Variants in PALLD observed in about 807,000 individuals in gnomAD.
PALLD encodes the protein palladin, cytoskeletal associated protein.
PALLD carries 61 observed loss-of-function variants against 123.5 expected under a neutral mutation model. That is an observed-to-expected ratio of 0.49 (90% CI 0.40 to 0.61). The LOEUF is 0.61. Ranked by LOEUF, PALLD falls within the 20% of genes least tolerant of loss-of-function variation. The probability of loss-of-function intolerance (pLI) is 0.00; values close to 1 mark genes in which losing one functional copy is unlikely to be tolerated. For synonymous variants in PALLD, 465 were observed against 496.4 expected (o/e 0.94, Z 0.84); for missense variants, 1,273 against 1,377.0 (o/e 0.92, Z 1.20).
intron 10 of PALLD, among the ~76,000 whole-genome samples, chr4:168,746,603 A>G (rs1730356891): frequency 6.6e-6 from 1 of 152,088 alleles, no homozygotes; most frequent in South Asian, 2.1e-4. Flanking sequence ...CATTCTGGTT[A>G]ACTTACGAGT....
chr4:168,595,537 A>C (rs1427334672), intron 2 of PALLD, among the ~76,000 whole-genome samples: 1 of 152,166 alleles, frequency 6.6e-6, no homozygotes, highest in East Asian at 1.9e-4. Flanking sequence ...AAGTAAGTGT[A>C]TTGGCCTTTT....
intron 15 of PALLD, among the ~76,000 whole-genome samples, chr4:168,908,192 T>C (rs1247421109): frequency 1.3e-5 from 2 of 152,232 alleles, no homozygotes; most frequent in Admixed American, 1.3e-4. Context: ...CTTGGGGGCT[T>C]CAGTAACTGG....
chr4:168,641,151 T>C (rs765753172), intron 2 of PALLD, among the ~76,000 whole-genome samples: 50 of 149,936 alleles, frequency 3.3e-4, no homozygotes, highest in Non-Finnish European at 5.7e-4. Context: ...GAGCTTGTAA[T>C]GAGCCAAGAT....
chr4:168,829,010 G>T (rs1199661885), intron 10 of PALLD: 1 of 152,254 alleles, frequency 6.6e-6, no homozygotes, highest in Non-Finnish European at 1.5e-5. Flanking sequence ...AATCTTCAGT[G>T]TTCAGAGGAG....
intron 10 of PALLD, among the ~76,000 whole-genome samples, chr4:168,717,651 G>A (rs529260092): frequency 1.3e-5 from 2 of 152,194 alleles, no homozygotes; most frequent in South Asian, 4.2e-4. Context: ...ATGCCTGGCT[G>A]ATCTGCCTTT....
At chr4:168,556,602 A>G (rs1412965885) in intron 2 of PALLD, among the ~76,000 whole-genome samples, 1 of 152,108 alleles carries the variant, frequency 6.6e-6, no homozygotes, top group South Asian at 2.1e-4. Flanking sequence ...AGCTCAAACT[A>G]TCCATCCCCA....
chr4:168,590,043 T>A (rs1336742445), intron 2 of PALLD, among the ~76,000 whole-genome samples: 1 of 152,154 alleles, frequency 6.6e-6, no homozygotes, highest in African/African-American at 2.4e-5. Flanking sequence ...TGACTAGAAG[T>A]CTTAACCACT....
At chr4:168,860,922 C>A (rs1185398423) in intron 10 of PALLD, among the ~76,000 whole-genome samples, 1 of 152,140 alleles carries the variant, frequency 6.6e-6, no homozygotes, top group Non-Finnish European at 1.5e-5. Context: ...AAACACAATG[C>A]CCAAAGAAAT....
At chr4:168,519,108 A>G (rs2149447555) in intron 2 of PALLD, among the ~76,000 whole-genome samples, 1 of 152,358 alleles carries the variant, frequency 6.6e-6, no homozygotes, top group Non-Finnish European at 1.5e-5. Flanking sequence ...CATTTGCAAA[A>G]TAGTACTATT....
chr4:168,774,727 C>CAAAAAAAAAAAAAA (rs56364164), intron 10 of PALLD, among the ~76,000 whole-genome samples: 6 of 73,200 alleles, frequency 8.2e-5, no homozygotes, highest in African/African-American at 1.5e-4. Context: ...GACTGCATCT[C>CAAAAAAAAAAAAAA]AAAAAAAAAA....
At chr4:168,651,176 C>T (rs142249301) in intron 2 of PALLD, among the ~76,000 whole-genome samples, 2,634 of 152,198 alleles carry the variant, frequency 0.017, 58 homozygotes, top group South Asian at 0.073. Context: ...AGAATTATTG[C>T]GCAGGGATCA....
chr4:168,620,846 A>G (rs999103183), intron 2 of PALLD, among the ~76,000 whole-genome samples: 2 of 152,264 alleles, frequency 1.3e-5, no homozygotes, highest in Non-Finnish European at 2.9e-5. Flanking sequence ...TATGAGTAGT[A>G]AAAGCAACAA....
chr4:168,691,527 A>G (rs1782632022), intron 8 of PALLD, among the ~76,000 whole-genome samples: 1 of 152,216 alleles, frequency 6.6e-6, no homozygotes, highest in Admixed American at 6.5e-5. Flanking sequence ...TCAGACAAGA[A>G]GGTCAAGCTC....
Position 168,802,772 on chromosome 4 carries a change from T to C in PALLD, c.1965-88150T>C, listed in dbSNP as rs182240019. On this transcript the variant is annotated intron_variant, in intron 10 of 21. Transcript: ENST00000505667. ...ATGGCACCATGTCGGCTCACCGCAATCTCTGCCTCCTGGGTTCAAGCGATT... is the reference window on the plus strand; with the variant it reads ...ATGGCACCATGTCGGCTCACCGCAACCTCTGCCTCCTGGGTTCAAGCGATT... 2.2e-3 allele frequency among the ~76,000 whole-genome samples: 332 copies of C among 152,054 alleles called. 1 individual carries two copies. The highest frequency in any genetic ancestry group is 1.6e-3 in the Non-Finnish European group (108 of 67,990).
rs1009645224 is a variant in PALLD at position 168,927,290 on chromosome 4, T to C, written c.*1110T>C. 5 of 231,218 alleles carry C rather than the reference T, an allele frequency of 2.2e-5. No individual in the cohort carries two copies. The highest frequency in any genetic ancestry group is 1.1e-4 in the African/African-American group (5 of 45,188). The allele number at this position is 231,218 out of a possible 1,614,324, so 14.3% of individuals were successfully genotyped here. A position where few individuals can be genotyped will look rare whatever the true frequency, so the allele number is the denominator to read the frequency against. Reference sequence around the variant, plus strand: ...ATAAAAGTAGAAGGCACAGGAGAGGTAGCAAAGGCCAGGCTTTTCTTTGGT... The same window carrying C: ...ATAAAAGTAGAAGGCACAGGAGAGGCAGCAAAGGCCAGGCTTTTCTTTGGT... On this transcript the variant is annotated 3_prime_UTR_variant, in exon 22 of 22. Coordinates refer to ENST00000505667, the MANE Select transcript of PALLD (RefSeq NM_001166108.2).
At chr4:168,810,669 G>A (rs7656182) in intron 10 of PALLD, among the ~76,000 whole-genome samples, 78,485 of 147,502 alleles carry the variant, frequency 0.53, 20,957 homozygotes, top group Non-Finnish European at 0.61. Context: ...AAGGCCGGGC[G>A]TGGTGGCTCA....
chr4:168,667,869 A>T (rs1180663142), intron 2 of PALLD, among the ~76,000 whole-genome samples: 1 of 152,064 alleles, frequency 6.6e-6, no homozygotes, highest in Non-Finnish European at 1.5e-5. Flanking sequence ...TAAATGGAGG[A>T]GGTATTTGTT....
At chr4:168,727,959 A>C (rs1786763741) in intron 10 of PALLD, among the ~76,000 whole-genome samples, 1 of 152,188 alleles carries the variant, frequency 6.6e-6, no homozygotes, top group Admixed American at 6.5e-5. Flanking sequence ...CATTTATTGA[A>C]TAGGGAGTCC....
chr4:168,499,518 G>T (rs972965098), intron 1 of PALLD, among the ~76,000 whole-genome samples: 1 of 145,944 alleles, frequency 6.9e-6, no homozygotes, highest in African/African-American at 2.6e-5. Flanking sequence ...TCAATGGTTT[G>T]CATTACTTTT....
Sources: gnomAD v4.1 joint callset for allele counts (sites outside exome capture counted in the v4.1 genomes callset) on GRCh38, gnomAD v4.1.1 for gene constraint, MANE v1.5 for transcripts, NCBI Gene and HGNC (gene_info 2026-07-23, HGNC 2026-07-21) for gene names.